Variants in NRXN3 observed in about 807,000 individuals in gnomAD.
NRXN3 encodes the protein neurexin 3, also known as neurexin III.
In NRXN3, 32 loss-of-function variants were observed where a neutral mutation model predicts 137.6. The observed-to-expected ratio is 0.23, with a 90% CI of 0.18 to 0.31. The LOEUF (loss-of-function observed/expected upper bound fraction) is 0.31. Ranked by LOEUF, NRXN3 falls within the 10% of genes least tolerant of loss-of-function variation. The pLI is 1.00. For missense variants in NRXN3, 1,574 were observed against 2,062.5 expected (o/e 0.76, Z 4.59); for synonymous variants, 798 against 784.5 (o/e 1.02, Z -0.29).
chr14:79,342,426 G>A (rs554551105), intron 15 of NRXN3, among the ~76,000 whole-genome samples: 2 of 151,856 alleles, frequency 1.3e-5, no homozygotes, highest in South Asian at 4.2e-4. Flanking sequence ...TTACATTTAA[G>A]GACTTTAGAG....
intron 2 of NRXN3, among the ~76,000 whole-genome samples, chr14:78,273,866 G>A (rs776770515): frequency 1.4e-4 from 21 of 152,080 alleles, no homozygotes; most frequent in South Asian, 6.2e-4. Context: ...TTTCCAGAGC[G>A]CCACTGCATT....
chr14:79,549,881 G>A (rs764634226), intron 16 of NRXN3, among the ~76,000 whole-genome samples: 4 of 152,072 alleles, frequency 2.6e-5, no homozygotes, highest in Non-Finnish European at 5.9e-5. Flanking sequence ...CAAAGAGGCT[G>A]ATTTGGGAAA....
At chr14:79,596,056 T>C (rs565593175) in intron 16 of NRXN3, among the ~76,000 whole-genome samples, 109 of 152,094 alleles carry the variant, frequency 7.2e-4, no homozygotes, top group African/African-American at 2.5e-3. Flanking sequence ...GGTTTTTTTT[T>C]TTTTTGGTCT....
intron 17 of NRXN3, among the ~76,000 whole-genome samples, chr14:79,677,339 C>T (rs2098646178): frequency 6.6e-6 from 1 of 151,778 alleles, no homozygotes; most frequent in Non-Finnish European, 1.5e-5. Context: ...AAATCTTAGC[C>T]AAGGTTTAGA....
rs1267208644 is a variant in NRXN3 at position 79,862,107 on chromosome 14, C to A, written c.*143C>A. On this transcript the variant is annotated 3_prime_UTR_variant, in exon 21 of 21. Transcript: ENST00000335750. Reference sequence around the variant, plus strand: ...TAACCACGACTCTGGTGGGGAAAACCGTTTTTTAAAGGACACACACACACA... The same window carrying A: ...TAACCACGACTCTGGTGGGGAAAACAGTTTTTTAAAGGACACACACACACA... 4.2e-6 allele frequency: 3 copies of A among 713,388 alleles called. No individual in the cohort carries two copies. Among genetic ancestry groups the A allele is most frequent in the Non-Finnish European group, 6.9e-6 (3 of 433,528 alleles). The allele number at this position is 713,388 out of a possible 1,614,324, so 44.2% of individuals were successfully genotyped here.
intron 10 of NRXN3, among the ~76,000 whole-genome samples, chr14:78,870,553 T>C (rs1432208538): frequency 6.6e-6 from 1 of 152,122 alleles, no homozygotes; most frequent in African/African-American, 2.4e-5. Flanking sequence ...CTCTTTTAGT[T>C]ATTTTGAAAT....
At chr14:79,018,951 A>G (rs1483409872) in intron 15 of NRXN3, among the ~76,000 whole-genome samples, 1 of 152,084 alleles carries the variant, frequency 6.6e-6, no homozygotes, top group Non-Finnish European at 1.5e-5. Flanking sequence ...ATCCTTCTCT[A>G]CTTATTCATC....
At chr14:79,199,131 C>A (rs998463674) in intron 15 of NRXN3, among the ~76,000 whole-genome samples, 2 of 151,724 alleles carry the variant, frequency 1.3e-5, no homozygotes, top group Admixed American at 1.3e-4. Flanking sequence ...GGCGCCACTG[C>A]GCTCCAGCCT....
At chr14:79,027,293 G>T (rs1001435796) in intron 15 of NRXN3, among the ~76,000 whole-genome samples, 4 of 151,768 alleles carry the variant, frequency 2.6e-5, no homozygotes, top group African/African-American at 7.3e-5. Context: ...GACTCTCTCG[G>T]TCAATGTCAC....
chr14:79,706,762 T>G (rs1258907910), intron 19 of NRXN3, among the ~76,000 whole-genome samples: 2 of 152,186 alleles, frequency 1.3e-5, no homozygotes, highest in Non-Finnish European at 2.9e-5. Flanking sequence ...AAAATTTACC[T>G]AAACTGCCAT....
At chr14:79,774,605 C>G (rs1218039973) in intron 19 of NRXN3, among the ~76,000 whole-genome samples, 4 of 152,104 alleles carry the variant, frequency 2.6e-5, no homozygotes, top group Non-Finnish European at 5.9e-5. Context: ...CATTCATTAT[C>G]AGACTCTGAA....
rs2059271567 is a variant in NRXN3, at chr14:78,176,385, T to C, written c.-704+5711T>C. Among the ~76,000 whole-genome samples, 10 of 152,098 alleles carry C rather than the reference T, an allele frequency of 6.6e-5. No individual in the cohort carries two copies. The South Asian group carries it at 2.1e-3, about 32-fold the overall frequency. On this transcript the variant is annotated intron_variant, in intron 1 of 20. Transcript: ENST00000335750. ...TACAAAGTTCTCTTCCAAGTTTTTT[T>C]TTTTTTTTTTTTAACACTCGGTATC...
intron 16 of NRXN3, among the ~76,000 whole-genome samples, chr14:79,582,853 C>T (rs1236435643): frequency 1.3e-5 from 2 of 152,160 alleles, no homozygotes; most frequent in Non-Finnish European, 2.9e-5. Context: ...TCATTATAAT[C>T]TCTTCAGGGC....
intron 15 of NRXN3, among the ~76,000 whole-genome samples, chr14:79,432,867 G>A (rs1229518918): frequency 6.6e-6 from 1 of 152,172 alleles, no homozygotes; most frequent in African/African-American, 2.4e-5. Flanking sequence ...TGGTGACCGA[G>A]TTCTCAAGCT....
chr14:79,549,444 G>A (rs888411324), intron 16 of NRXN3, among the ~76,000 whole-genome samples: 2 of 152,140 alleles, frequency 1.3e-5, no homozygotes, highest in African/African-American at 4.8e-5. Flanking sequence ...ATACATGTAA[G>A]GAAATGAAAA....
intron 4 of NRXN3, among the ~76,000 whole-genome samples, chr14:78,310,592 C>G (rs569269556): frequency 3.7e-4 from 56 of 152,114 alleles, no homozygotes; most frequent in Admixed American, 7.2e-4. Context: ...GAGTGAGGTT[C>G]TGCAGTTCTA....
intron 15 of NRXN3, among the ~76,000 whole-genome samples, chr14:79,342,743 C>G (rs193211934): frequency 6.6e-6 from 1 of 152,254 alleles, no homozygotes; most frequent in Admixed American, 6.5e-5. Flanking sequence ...ATTGCTCCAA[C>G]CAATAAAACC....
intron 17 of NRXN3, among the ~76,000 whole-genome samples, chr14:79,679,310 A>G (rs2098657504): frequency 6.6e-6 from 1 of 152,144 alleles, no homozygotes; most frequent in Admixed American, 6.6e-5. Context: ...TTAATATTCA[A>G]TGAATATCTT....
chr14:79,556,133 G>A (rs997993393), intron 16 of NRXN3, among the ~76,000 whole-genome samples: 4 of 152,100 alleles, frequency 2.6e-5, no homozygotes, highest in Non-Finnish European at 1.5e-5. Context: ...GAAAATGCAT[G>A]GCCTTCACAG....
Sources: allele counts gnomAD v4.1 joint callset (sites outside exome capture counted in the v4.1 genomes callset), GRCh38; gene constraint gnomAD v4.1.1; transcripts MANE v1.5; gene names NCBI Gene and HGNC (gene_info 2026-07-23, HGNC 2026-07-21).